Variants in TLL2 observed in about 807,000 individuals in gnomAD.
TLL2 encodes the protein tolloid-like protein 2.
Under a neutral mutation model 123.0 loss-of-function variants are expected in TLL2, and 106 were observed. That is an observed-to-expected ratio of 0.86 (90% confidence interval 0.74 to 1.01). The LOEUF (loss-of-function observed/expected upper bound fraction) is 1.01, where lower values mean the gene tolerates loss of function less well. TLL2 is among the 50% of genes least tolerant of loss of function. TLL2 has a pLI of 0.00. For synonymous variants in TLL2, 494 were observed against 516.8 expected (o/e 0.96, Z 0.60); for missense variants, 1,332 against 1,336.7 (o/e 1.00, Z 0.06).
At chr10:96,470,792 T>G (rs1847171903) in intron 2 of TLL2, among the ~76,000 whole-genome samples, 1 of 152,246 alleles carries the variant, frequency 6.6e-6, no homozygotes, top group Admixed American at 6.5e-5. Context: ...CACGTACTAA[T>G]AGTACCTACC....
chr10:96,405,391 G>A (rs1846440266), intron 9 of TLL2, 57 bp from the exon 10 acceptor site: 3 of 1,527,952 alleles, frequency 2.0e-6, no homozygotes, highest in Non-Finnish European at 2.7e-6. Context: ...AGTTTGGGAA[G>A]ATATATCTTG....
intron 2 of TLL2, among the ~76,000 whole-genome samples, chr10:96,454,532 T>C (rs769780945): frequency 2.6e-5 from 4 of 152,232 alleles, no homozygotes; most frequent in African/African-American, 7.2e-5. Context: ...GGCATGCTCT[T>C]AGAGTACCTC....
intron 2 of TLL2, among the ~76,000 whole-genome samples, chr10:96,458,188 A>G (rs1847036092): frequency 6.6e-6 from 1 of 152,078 alleles, no homozygotes; most frequent in Non-Finnish European, 1.5e-5. Flanking sequence ...AGAGCTGCTT[A>G]GGTGATGAGA....
chr10:96,414,880 C>A (rs961339548), intron 7 of TLL2, among the ~76,000 whole-genome samples: 1 of 152,096 alleles, frequency 6.6e-6, no homozygotes, highest in African/African-American at 2.4e-5. Context: ...ACCTTTTTTG[C>A]ACCCCTTGAA....
At chr10:96,472,375 G>A (rs939672829) in intron 2 of TLL2, among the ~76,000 whole-genome samples, 3 of 152,192 alleles carry the variant, frequency 2.0e-5, no homozygotes, top group African/African-American at 4.8e-5. Context: ...TAAAACTAGT[G>A]AAATGAGGAA....
intron 8 of TLL2, among the ~76,000 whole-genome samples, chr10:96,412,874 C>A (rs970617805): frequency 6.6e-6 from 1 of 152,344 alleles, no homozygotes; most frequent in East Asian, 1.9e-4. Context: ...TTATGGGGCA[C>A]ACACTGCATT....
chr10:96,469,546 C>T (rs952013815), intron 2 of TLL2, among the ~76,000 whole-genome samples: 5 of 152,322 alleles, frequency 3.3e-5, no homozygotes, highest in African/African-American at 1.2e-4. Flanking sequence ...ACCAGCCTCC[C>T]GCCTGGGTGA....
intron 2 of TLL2, among the ~76,000 whole-genome samples, chr10:96,454,126 T>G (rs74151347): frequency 0.014 from 2,137 of 152,302 alleles, 53 homozygotes; most frequent in African/African-American, 0.047. Flanking sequence ...ATCCAATCTT[T>G]TTTTTTCTGC....
intron 2 of TLL2, among the ~76,000 whole-genome samples, chr10:96,460,669 C>T (rs569973792): frequency 6.6e-6 from 1 of 152,324 alleles, no homozygotes; most frequent in African/African-American, 2.4e-5. Context: ...TTTCTCTTCG[C>T]CTTCCTTGTA....
chr10:96,478,378 C>T (rs147230544), intron 2 of TLL2, among the ~76,000 whole-genome samples: 1 of 152,330 alleles, frequency 6.6e-6, no homozygotes, highest in East Asian at 1.9e-4. Flanking sequence ...TGAGTATGCA[C>T]CCACTTAGAG....
intron 4 of TLL2, among the ~76,000 whole-genome samples, 181 bp downstream of exon 4, chr10:96,432,626 A>C (rs1846755444): frequency 6.6e-6 from 1 of 152,158 alleles, no homozygotes; most frequent in Non-Finnish European, 1.5e-5. Flanking sequence ...TCCAACAGAG[A>C]CTGCAATTTC....
chr10:96,420,833 G>A (rs1827950743), intron 7 of TLL2, 123 bp downstream of exon 7: 1 of 783,194 alleles, frequency 1.3e-6, no homozygotes, highest in East Asian at 2.5e-5. Flanking sequence ...GTATTTCAAG[G>A]ACAGACAGGC....
intron 2 of TLL2, among the ~76,000 whole-genome samples, chr10:96,474,488 G>A (rs913165712): frequency 6.6e-6 from 1 of 152,136 alleles, no homozygotes; most frequent in Non-Finnish European, 1.5e-5. Flanking sequence ...TGTGTAGAAT[G>A]GGGACTTTGA....
rs758201789 is a variant in TLL2, at chr10:96,513,744, G to C, written c.-59C>G. ...GCGTGCACGAAAGCTCAGCTCGGCC[G>C]AAAGACGGCGCACACTGGGTCGGTC... On this transcript the variant is annotated 5_prime_UTR_variant, in exon 1 of 21. Coordinates refer to ENST00000357947, the MANE Select transcript of TLL2 (RefSeq NM_012465.4). 5.2e-5 allele frequency: 74 copies of C among 1,424,494 alleles called. No homozygotes were observed. The highest frequency in any genetic ancestry group is 6.6e-5 in the Non-Finnish European group (72 of 1,089,556). The allele number at this position is 1,424,494 out of a possible 1,614,324, so 88.2% of individuals were successfully genotyped here. A position where few individuals can be genotyped will look rare whatever the true frequency, so the allele number is the denominator to read the frequency against.
At chr10:96,368,849 G>A (rs1019178456) in intron 20 of TLL2, among the ~76,000 whole-genome samples, 1 of 152,174 alleles carries the variant, frequency 6.6e-6, no homozygotes, top group Non-Finnish European at 1.5e-5. Flanking sequence ...AGCCAAAGTG[G>A]GCTTCCCCCA....
chr10:96,392,737 C>T (rs1458505249), intron 13 of TLL2, among the ~76,000 whole-genome samples: 1 of 152,356 alleles, frequency 6.6e-6, no homozygotes, highest in East Asian at 1.9e-4. Context: ...AAGCTGTCTA[C>T]AGCTTGGCCT....
At chr10:96,506,488 T>C (rs1847581647) in intron 1 of TLL2, among the ~76,000 whole-genome samples, 1 of 151,002 alleles carries the variant, frequency 6.6e-6, no homozygotes, top group Non-Finnish European at 1.5e-5. Context: ...GCTGAGGTGC[T>C]GCTGCATGAG....
At chr10:96,423,748 CTG>C (rs1846649463) in intron 5 of TLL2, among the ~76,000 whole-genome samples, 1 of 152,156 alleles carries the variant, frequency 6.6e-6, no homozygotes, top group African/African-American at 2.4e-5. Context: ...AAAATGTTGT[CTG>C]TTTATATACT....
chr10:96,443,389 T>C (rs1319604136), intron 3 of TLL2, among the ~76,000 whole-genome samples: 1 of 152,162 alleles, frequency 6.6e-6, no homozygotes, highest in Non-Finnish European at 1.5e-5. Context: ...AAGTTTCTGA[T>C]TAGACAACTG....
Sources: gnomAD v4.1 joint callset for allele counts (sites outside exome capture counted in the v4.1 genomes callset) on GRCh38, gnomAD v4.1.1 for gene constraint, MANE v1.5 for transcripts, NCBI Gene and HGNC (gene_info 2026-07-23, HGNC 2026-07-21) for gene names.